Variants in CTNNA3 observed in about 807,000 individuals in gnomAD.
CTNNA3 encodes the protein catenin alpha-3.
A neutral mutation model predicts 95.7 loss-of-function variants in CTNNA3; 76 were observed. The observed-to-expected ratio is 0.79, with a 90% confidence interval of 0.66 to 0.96. The LOEUF is 0.96. Among genes scored for constraint, CTNNA3 ranks in the 40% least tolerant of loss-of-function variants. The pLI, the probability that CTNNA3 is intolerant of heterozygous loss-of-function variation, is 0.00. For missense variants in CTNNA3, 1,191 were observed against 1,089.8 expected (o/e 1.09, Z -1.31); for synonymous variants, 431 against 374.4 (o/e 1.15, Z -1.74).
rs192926725 is a variant in CTNNA3 at position 65,920,022 on chromosome 10, C to A, written c.*308G>T. ...ATTACAGATAAACAGGACTCTCTGG[C>A]CTCTCCTGTGTTTATTTGGTAACGA... On this transcript the variant is annotated 3_prime_UTR_variant, in exon 18 of 18. Transcript: ENST00000433211. 1.5e-4 allele frequency: 48 copies of A among 326,258 alleles called. No individual in the cohort carries two copies. The highest frequency in any genetic ancestry group is 9.8e-4 in the African/African-American group (46 of 46,980). The allele number at this position is 326,258 out of a possible 1,614,324, so 20.2% of individuals were successfully genotyped here. A position where few individuals can be genotyped will look rare whatever the true frequency, so the allele number is the denominator to read the frequency against.
intron 7 of CTNNA3, among the ~76,000 whole-genome samples, chr10:67,007,447 AT>A (rs138016631): frequency 0.016 from 2,461 of 151,468 alleles, 86 homozygotes; most frequent in African/African-American, 0.056. Flanking sequence ...ACTTATCATG[AT>A]TTTTTTCATT....
intron 9 of CTNNA3, among the ~76,000 whole-genome samples, chr10:66,721,836 G>T (rs1848637057): frequency 6.6e-6 from 1 of 151,958 alleles, no homozygotes. Flanking sequence ...GCACTTTTTG[G>T]GCATCACTGT....
chr10:67,312,978 T>C (rs149365772), intron 5 of CTNNA3, among the ~76,000 whole-genome samples: 2 of 152,142 alleles, frequency 1.3e-5, no homozygotes, highest in African/African-American at 4.8e-5. Flanking sequence ...TTAGAGTCTG[T>C]TCAAGATTAC....
At chr10:66,713,995 T>C (rs1848374723) in intron 9 of CTNNA3, among the ~76,000 whole-genome samples, 2 of 152,180 alleles carry the variant, frequency 1.3e-5, no homozygotes, top group Admixed American at 1.3e-4. Context: ...GAAAATCACA[T>C]GATAGAATAT....
intron 1 of CTNNA3, among the ~76,000 whole-genome samples, chr10:67,667,522 C>T (rs1377286743): frequency 6.6e-6 from 1 of 152,130 alleles, no homozygotes; most frequent in East Asian, 1.9e-4. Context: ...ACTAATGGCA[C>T]ATCCTCTATG....
At position 67,539,685 on chromosome 10, in the gene CTNNA3, C is replaced by T; in HGVS notation, c.293-16G>A. ...AGAGCTTCACCTGAAAAATACAACCCCATATAAGTTATACTTTAAGTTTCA... is the reference window on the plus strand; with the variant it reads ...AGAGCTTCACCTGAAAAATACAACCTCATATAAGTTATACTTTAAGTTTCA... On this transcript the variant is annotated splice_polypyrimidine_tract_variant and intron_variant, in intron 3 of 17. Coordinates refer to ENST00000433211, the MANE Select transcript of CTNNA3 (RefSeq NM_013266.4). 1 of 1,610,074 alleles carries T rather than the reference C, an allele frequency of 6.2e-7. No individual in the cohort carries two copies. Among genetic ancestry groups the T allele is most frequent in the Non-Finnish European group, 8.5e-7 (1 of 1,177,300 alleles).
chr10:67,035,797 TA>T (rs5785812), intron 7 of CTNNA3, among the ~76,000 whole-genome samples: 127,196 of 151,878 alleles, frequency 0.84, 54,298 homozygotes, highest in Admixed American at 0.92. Flanking sequence ...ACATTTGCTT[TA>T]AAAAAAAATC....
chr10:67,303,803 TC>T (rs917324960), intron 5 of CTNNA3, among the ~76,000 whole-genome samples: 1 of 152,172 alleles, frequency 6.6e-6, no homozygotes, highest in African/African-American at 2.4e-5. Context: ...TCTCCTTGTT[TC>T]CATGCCGCAT....
chr10:66,723,181 G>A (rs1358209074), intron 9 of CTNNA3, among the ~76,000 whole-genome samples: 2 of 152,092 alleles, frequency 1.3e-5, no homozygotes, highest in Non-Finnish European at 2.9e-5. Context: ...ATAATTATTT[G>A]AATATAAAAT....
intron 13 of CTNNA3, among the ~76,000 whole-genome samples, chr10:66,148,186 C>A (rs1365494234): frequency 1.3e-5 from 2 of 151,698 alleles, no homozygotes; most frequent in African/African-American, 4.8e-5. Flanking sequence ...GCATTAATGT[C>A]GGGTCATTTA....
At chr10:66,222,269 C>T (rs2088973804) in intron 13 of CTNNA3, among the ~76,000 whole-genome samples, 1 of 152,048 alleles carries the variant, frequency 6.6e-6, no homozygotes, top group Non-Finnish European at 1.5e-5. Flanking sequence ...GGAAATGACA[C>T]CCACCCCTAC....
chr10:66,042,915 A>G (rs1271024328), intron 15 of CTNNA3, among the ~76,000 whole-genome samples: 1 of 144,214 alleles, frequency 6.9e-6, no homozygotes, highest in Non-Finnish European at 1.5e-5. Context: ...AAAAAAAAAA[A>G]AAAAAAAAAA....
intron 10 of CTNNA3, among the ~76,000 whole-genome samples, chr10:66,536,612 G>A (rs1841669500): frequency 6.6e-6 from 1 of 151,848 alleles, no homozygotes; most frequent in Non-Finnish European, 1.5e-5. Flanking sequence ...AAATACTGAA[G>A]ACTAGTCAAA....
At chr10:66,393,757 C>G (rs1339006292) in intron 11 of CTNNA3, among the ~76,000 whole-genome samples, 7 of 152,016 alleles carry the variant, frequency 4.6e-5, no homozygotes, top group Non-Finnish European at 1.0e-4. Context: ...GTTTAATTCT[C>G]ATAATAATTC....
At chr10:67,522,561 A>G (rs1018761070) in intron 4 of CTNNA3, among the ~76,000 whole-genome samples, 3 of 152,092 alleles carry the variant, frequency 2.0e-5, no homozygotes, top group African/African-American at 4.8e-5. Flanking sequence ...TTCAGCAAAC[A>G]TTTATTCATT....
intron 7 of CTNNA3, among the ~76,000 whole-genome samples, chr10:67,124,224 T>C (rs1419430124): frequency 6.6e-6 from 1 of 152,154 alleles, no homozygotes; most frequent in African/African-American, 2.4e-5. Flanking sequence ...AAATATGAAA[T>C]GCTACTCAAG....
chr10:67,535,735 G>A (rs1840468714), intron 4 of CTNNA3, among the ~76,000 whole-genome samples: 1 of 152,078 alleles, frequency 6.6e-6, no homozygotes, highest in Non-Finnish European at 1.5e-5. Context: ...CATAGAAAAG[G>A]ATTTACAGAG....
At chr10:66,784,970 C>T (rs1232759677) in intron 7 of CTNNA3, among the ~76,000 whole-genome samples, 1 of 152,172 alleles carries the variant, frequency 6.6e-6, no homozygotes, top group Non-Finnish European at 1.5e-5. Context: ...AGGTCGGCTA[C>T]TTGCTGATGA....
In CTNNA3 at chr10:66,200,661, G is replaced by A. The variant is rs138181741; in HGVS notation, c.1884+79809C>T. ...GATGTAATTTCTAATTTATGACCAC[G>A]GGCAGTCCTTTTATATTTCTGTTCA... On this transcript the variant is annotated intron_variant, in intron 13 of 17. Coordinates refer to ENST00000433211, the MANE Select transcript of CTNNA3 (RefSeq NM_013266.4). 9.6e-4 allele frequency among the ~76,000 whole-genome samples: 146 copies of A among 152,218 alleles called. 1 individual carries two copies. Among genetic ancestry groups the A allele is most frequent in the Middle Eastern group, 6.8e-3 (2 of 294 alleles).
Sources: gnomAD v4.1 joint callset for allele counts (sites outside exome capture counted in the v4.1 genomes callset) on GRCh38, gnomAD v4.1.1 for gene constraint, MANE v1.5 for transcripts, NCBI Gene and HGNC (gene_info 2026-07-23, HGNC 2026-07-21) for gene names.